Variants in PGCKA1 observed in about 807,000 individuals in gnomAD.
The protein encoded by PGCKA1 is PDCD10 and GCKIII kinases associated 1.
the PGCKA1 span, among the ~76,000 whole-genome samples, chr4:37,470,847 G>T: frequency 6.6e-6 from 1 of 152,154 alleles, no homozygotes; most frequent in African/African-American, 2.4e-5. Context: ...ATGTAGAAAA[G>T]ATCTTTAAAT....
the PGCKA1 span, among the ~76,000 whole-genome samples, chr4:37,464,231 A>G: frequency 6.6e-6 from 1 of 152,200 alleles, no homozygotes; most frequent in Non-Finnish European, 1.5e-5. Flanking sequence ...AAAGAGGAGA[A>G]GCTATGGCCC....
At chr4:37,495,029 A>G in the PGCKA1 span, among the ~76,000 whole-genome samples, 1 of 152,000 alleles carries the variant, frequency 6.6e-6, no homozygotes, top group Non-Finnish European at 1.5e-5. Context: ...GCTTAAACAA[A>G]TTTACAAGAA....
the PGCKA1 span, among the ~76,000 whole-genome samples, chr4:37,505,736 C>T: frequency 1.4e-4 from 21 of 152,330 alleles, no homozygotes; most frequent in African/African-American, 4.8e-4. Context: ...ATTCAGTTAT[C>T]TCCCACTGGG....
the PGCKA1 span, among the ~76,000 whole-genome samples, chr4:37,538,286 A>G: frequency 2.0e-5 from 3 of 152,212 alleles, no homozygotes; most frequent in African/African-American, 7.2e-5. Context: ...TCCTTGGTAA[A>G]TAAACATGTA....
the PGCKA1 span, among the ~76,000 whole-genome samples, chr4:37,566,454 C>T: frequency 0.032 from 4,833 of 151,782 alleles, 272 homozygotes; most frequent in African/African-American, 0.11. Flanking sequence ...CTAATTTTTG[C>T]ATTTTCAGAA....
chr4:37,562,588 A>T, the PGCKA1 span, among the ~76,000 whole-genome samples: 4 of 152,212 alleles, frequency 2.6e-5, no homozygotes, highest in Admixed American at 6.5e-5. Flanking sequence ...GAGTGCACAT[A>T]GTTCTCCTGG....
At chr4:37,567,462 T>C in the PGCKA1 span, among the ~76,000 whole-genome samples, 1 of 152,106 alleles carries the variant, frequency 6.6e-6, no homozygotes, top group African/African-American at 2.4e-5. Context: ...TGTTGCAGAT[T>C]AGGCCACTGA....
chr4:37,465,884 A>G, the PGCKA1 span, among the ~76,000 whole-genome samples: 1 of 152,214 alleles, frequency 6.6e-6, no homozygotes, highest in African/African-American at 2.4e-5. Flanking sequence ...TTCATGAAAG[A>G]CAAATGTGAC....
chr4:37,484,495 G>A, the PGCKA1 span, among the ~76,000 whole-genome samples: 1 of 152,174 alleles, frequency 6.6e-6, no homozygotes, highest in South Asian at 2.1e-4. Flanking sequence ...TGAGGACACA[G>A]CCAAACCATA....
At chr4:37,526,686 G>A in the PGCKA1 span, among the ~76,000 whole-genome samples, 67 of 152,250 alleles carry the variant, frequency 4.4e-4, no homozygotes, top group Non-Finnish European at 8.2e-4. Context: ...CCTTACTCAC[G>A]TGTTTGTGAT....
the PGCKA1 span, among the ~76,000 whole-genome samples, chr4:37,464,907 A>C: frequency 6.6e-6 from 1 of 152,242 alleles, no homozygotes; most frequent in South Asian, 2.1e-4. Flanking sequence ...GAAAGGAAGC[A>C]ACAGTGGAGT....
the PGCKA1 span, among the ~76,000 whole-genome samples, chr4:37,457,526 G>A: frequency 6.6e-6 from 1 of 152,164 alleles, no homozygotes; most frequent in East Asian, 1.9e-4. Flanking sequence ...CACTAGTTGT[G>A]GAGTAGATGT....
At chr4:37,484,414 A>G in the PGCKA1 span, among the ~76,000 whole-genome samples, 18,352 of 152,188 alleles carry the variant, frequency 0.12, 1,344 homozygotes, top group South Asian at 0.29. Flanking sequence ...CCATGATTCA[A>G]TTACCTCCCA....
the PGCKA1 span, chr4:37,588,089 T>A: frequency 6.6e-6 from 1 of 152,350 alleles, no homozygotes; most frequent in South Asian, 2.1e-4. Flanking sequence ...ATGGTCAGTT[T>A]TATATGAAGA....
the PGCKA1 span, among the ~76,000 whole-genome samples, chr4:37,543,206 T>C: frequency 5.3e-4 from 48 of 91,300 alleles, no homozygotes; most frequent in Non-Finnish European, 1.0e-3. Flanking sequence ...TTTGGTGGGT[T>C]TTTTTCCATA....
At chr4:37,529,730 A>T in the PGCKA1 span, among the ~76,000 whole-genome samples, 2 of 152,238 alleles carry the variant, frequency 1.3e-5, no homozygotes, top group East Asian at 1.9e-4. Context: ...TGGCTCTTTC[A>T]TCGGTGTTTT....
the PGCKA1 span, among the ~76,000 whole-genome samples, chr4:37,526,112 A>G: frequency 6.6e-6 from 1 of 152,226 alleles, no homozygotes; most frequent in African/African-American, 2.4e-5. Flanking sequence ...CAGACACTAG[A>G]TGTAGCGGGA....
the PGCKA1 span, among the ~76,000 whole-genome samples, chr4:37,556,458 G>A: frequency 6.0e-5 from 3 of 50,150 alleles, no homozygotes; most frequent in Admixed American, 1.8e-4. Context: ...TAGTAGAGAC[G>A]GGGTTTCACC....
the PGCKA1 span, among the ~76,000 whole-genome samples, chr4:37,465,489 G>A: frequency 6.6e-6 from 1 of 152,124 alleles, no homozygotes; most frequent in South Asian, 2.1e-4. Context: ...CCCAGAGAGG[G>A]GAGGGCGAAG....
Sources: allele counts gnomAD v4.1 joint callset (sites outside exome capture counted in the v4.1 genomes callset), GRCh38; gene constraint gnomAD v4.1.1; transcripts MANE v1.5; gene names NCBI Gene and HGNC (gene_info 2026-07-23, HGNC 2026-07-21).